Variants in GTF3C3 observed in about 807,000 individuals in gnomAD.
GTF3C3 encodes the protein general transcription factor 3C polypeptide 3.
A neutral mutation model predicts 105.2 loss-of-function variants in GTF3C3; 75 were observed. That is an observed-to-expected ratio of 0.71 (90% CI 0.59 to 0.86). The LOEUF is 0.86. GTF3C3 is among the 40% of genes least tolerant of loss of function. The pLI, the probability that GTF3C3 is intolerant of heterozygous loss-of-function variation, is 0.00. For missense variants in GTF3C3, 856 were observed against 1,076.5 expected (o/e 0.80, Z 2.87); for synonymous variants, 335 against 370.4 (o/e 0.90, Z 1.10).
intron 2 of GTF3C3, among the ~76,000 whole-genome samples, chr2:196,794,448 T>C (rs551555873): frequency 2.6e-5 from 4 of 152,322 alleles, no homozygotes; most frequent in Admixed American, 6.5e-5. Flanking sequence ...TATATATGTA[T>C]TTTTTGAGAT....
At chr2:196,793,428 G>GA (rs1359825519) in intron 2 of GTF3C3, among the ~76,000 whole-genome samples, 13 of 151,834 alleles carry the variant, frequency 8.6e-5, no homozygotes, top group East Asian at 7.7e-4. Context: ...TAATACAGAA[G>GA]AAAAAAAATA....
intron 6 of GTF3C3, among the ~76,000 whole-genome samples, chr2:196,787,026 TTTC>T (rs1004841876): frequency 2.0e-5 from 3 of 152,254 alleles, no homozygotes; most frequent in East Asian, 3.9e-4. Flanking sequence ...CTCCCAGCTG[TTTC>T]TTCTTCTTTC....
At chr2:196,798,516 T>G (rs1262688760) in intron 1 of GTF3C3, among the ~76,000 whole-genome samples, 3 of 150,582 alleles carry the variant, frequency 2.0e-5, no homozygotes, top group Non-Finnish European at 1.5e-5. Context: ...AGAGCCAGAC[T>G]CTGTCTGAAA....
chr2:196,776,375 T>A lies in GTF3C3; in HGVS notation c.1593+52A>T. On this transcript the variant is annotated intron_variant, in intron 11 of 17. Transcript: ENST00000263956. This position sits in a 1 kb window ranked among gnomAD's most constrained non-coding sequence, Gnocchi z 4.5. ...GAGACATCCTTAATGGAGGAGAAAG[T>A]TCTAAAATATAATATACCAAGAAAA... The A allele has an allele frequency of 6.9e-7, 1 of 1,448,942 alleles. No individual in the cohort carries two copies. The highest frequency in any genetic ancestry group is 9.6e-7 in the Non-Finnish European group (1 of 1,042,394). The allele number at this position is 1,448,942 out of a possible 1,614,324, so 89.8% of individuals were successfully genotyped here. A position where few individuals can be genotyped will look rare whatever the true frequency, so the allele number is the denominator to read the frequency against.
chr2:196,784,114 G>GAAT (rs548952559), intron 8 of GTF3C3, among the ~76,000 whole-genome samples: 109 of 152,194 alleles, frequency 7.2e-4, no homozygotes, highest in Admixed American at 2.9e-3. Context: ...CATAATGATG[G>GAAT]AATTTTTAGG....
chr2:196,773,936 T>C (rs1293642900), intron 13 of GTF3C3, among the ~76,000 whole-genome samples: 2 of 152,220 alleles, frequency 1.3e-5, no homozygotes, highest in Admixed American at 1.3e-4. Flanking sequence ...GCCCAGTCCC[T>C]AGCAGGCCAC....
rs1278814404 is a variant in GTF3C3, at chr2:196,784,870, T to G, written c.1101A>C (p.Ser367=). Residue 367 remains serine, a synonymous_variant, in exon 8 of 18, where the codon TCA becomes TCC. Coordinates refer to ENST00000263956, the MANE Select transcript of GTF3C3 (RefSeq NM_012086.5). Reference sequence around the variant, plus strand: ...GGAAACTACAACCTTTATTCTCTTCTGAGGTGCCTTCTTCTGAAGTTTTTT... The same window carrying G: ...GGAAACTACAACCTTTATTCTCTTCGGAGGTGCCTTCTTCTGAAGTTTTTT... ...LEKKTSEEGT[S]EENKAPENVT... 6.2e-7 allele frequency: 1 copy of G among 1,611,344 alleles called. No homozygotes were observed. Among genetic ancestry groups the G allele is most frequent in the Non-Finnish European group, 8.5e-7 (1 of 1,178,552 alleles).
Position 196,776,653 on chromosome 2 carries a change from A to G in GTF3C3, c.1391-24T>C. The G allele has an allele frequency of 6.5e-7, 1 of 1,540,282 alleles. No homozygotes were observed. The highest frequency in any genetic ancestry group is 9.0e-7 in the Non-Finnish European group (1 of 1,115,882). ...TTCTAAGATGATGTTAAAATAAAGC[A>G]AAAGTATGAACTACAGATTTGTAAA... On this transcript the variant is annotated intron_variant, in intron 10 of 17. Coordinates refer to ENST00000263956, the MANE Select transcript of GTF3C3 (RefSeq NM_012086.5). This position sits in a 1 kb window ranked among gnomAD's most constrained non-coding sequence, Gnocchi z 4.5.
At chr2:196,771,991 T>G in intron 14 of GTF3C3, 53 bp from the exon 15 acceptor site, 2 of 1,287,460 alleles carry the variant, frequency 1.6e-6, no homozygotes, top group South Asian at 2.4e-5. Flanking sequence ...ATCTTCCTGA[T>G]TTCTAAAAAT....
chr2:196,784,979 T>TA (rs1481219497), intron 7 of GTF3C3, 50 bp from the exon 8 acceptor site: 1 of 1,192,920 alleles, frequency 8.4e-7, no homozygotes, highest in African/African-American at 1.5e-5. Flanking sequence ...TGAAAAACCA[T>TA]TTCATAATGC....
At chr2:196,767,746 CAT>C (rs1429634702) in intron 16 of GTF3C3, among the ~76,000 whole-genome samples, 1 of 152,002 alleles carries the variant, frequency 6.6e-6, no homozygotes, top group East Asian at 1.9e-4. Flanking sequence ...ATCAAGTATT[CAT>C]AGTTAAAAAT....
intron 17 of GTF3C3, among the ~76,000 whole-genome samples, 161 bp from the exon 18 acceptor site, chr2:196,764,846 A>G (rs534089325): frequency 1.3e-5 from 2 of 152,352 alleles, no homozygotes; most frequent in Admixed American, 1.3e-4. Context: ...CCTTGGATCA[A>G]TGCTGATTCA....
intron 9 of GTF3C3, 37 bp downstream of exon 9, chr2:196,780,522 G>T: frequency 6.3e-7 from 1 of 1,594,896 alleles, no homozygotes; most frequent in Non-Finnish European, 8.6e-7. Context: ...TGGTGCATTT[G>T]ATCTGAAGTA....
Position 196,789,389 on chromosome 2 carries a change from A to C in GTF3C3, c.728-20T>G. ...TAAGAGCTAAAAAGAAAGAAATACA[A>C]ATTATTTACCACAAAAAGGGGTGCA... On this transcript the variant is annotated intron_variant, in intron 5 of 17. Transcript: ENST00000263956. The C allele has an allele frequency of 6.4e-7, 1 of 1,552,422 alleles. No individual in the cohort carries two copies. Among genetic ancestry groups the C allele is most frequent in the South Asian group, 1.2e-5 (1 of 83,594 alleles).
At position 196,771,481 on chromosome 2, in the gene GTF3C3, T is replaced by A. The variant is rs540279479; in HGVS notation, c.2260+267A>T. 2.0e-5 allele frequency among the ~76,000 whole-genome samples: 3 copies of A among 152,358 alleles called. No individual in the cohort carries two copies. The South Asian group carries it at 6.2e-4, about 32-fold the overall frequency. ...TAAGAATAACAAATATTAATATTAG[T>A]AATTATCATTTTTGCTATTATATCC... is the stretch of plus-strand genomic sequence containing the variant. On this transcript the variant is annotated intron_variant, in intron 15 of 17. Coordinates refer to ENST00000263956, the MANE Select transcript of GTF3C3 (RefSeq NM_012086.5).
chr2:196,779,679 C>T (rs1159612031), intron 9 of GTF3C3, among the ~76,000 whole-genome samples: 1 of 152,096 alleles, frequency 6.6e-6, no homozygotes, highest in Non-Finnish European at 1.5e-5. Flanking sequence ...CCTTAGATAT[C>T]CCCATGGTTT....
chr2:196,790,512 A>T (rs1175563584), intron 4 of GTF3C3, among the ~76,000 whole-genome samples: 1 of 152,230 alleles, frequency 6.6e-6, no homozygotes, highest in Non-Finnish European at 1.5e-5. Flanking sequence ...TATCAAAGTG[A>T]CTGGCTAATC....
intron 12 of GTF3C3, 58 bp from the exon 13 acceptor site, chr2:196,775,309 A>G (rs947243236): frequency 6.7e-7 from 1 of 1,498,186 alleles, no homozygotes; most frequent in Non-Finnish European, 9.1e-7. Context: ...GTTTAGAGAC[A>G]AAGTCTTGTT....
At chr2:196,780,467 ACT>A in intron 9 of GTF3C3, 90 bp downstream of exon 9, 1 of 1,417,838 alleles carries the variant, frequency 7.1e-7, no homozygotes, top group Non-Finnish European at 9.3e-7. Flanking sequence ...GAAATGTGAA[ACT>A]CTAGGGTCAA....
Sources: allele counts gnomAD v4.1 joint callset (sites outside exome capture counted in the v4.1 genomes callset), GRCh38; gene constraint gnomAD v4.1.1; non-coding constraint Gnocchi (gnomAD v3.1); transcripts MANE v1.5; gene names NCBI Gene and HGNC (gene_info 2026-07-23, HGNC 2026-07-21).